The following FHOD3 variants were observed in gnomAD, a reference collection of about 807,000 sequenced individuals.
FHOD3 encodes the protein formin homology 2 domain containing 3, also known as FH1/FH2 domain-containing protein 3.
Under a neutral mutation model 173.0 loss-of-function variants are expected in FHOD3, and 90 were observed. The observed-to-expected ratio is 0.52, with a 90% CI of 0.44 to 0.62. FHOD3 has a LOEUF of 0.62. Among genes scored for constraint, FHOD3 ranks in the 20% least tolerant of loss-of-function variants. The probability of loss-of-function intolerance (pLI) is 0.00; values close to 1 mark genes in which losing one functional copy is unlikely to be tolerated. For synonymous variants in FHOD3, 828 were observed against 823.0 expected, an observed-to-expected ratio of 1.01 and a Z score of -0.10; for missense variants, 1,945 against 2,034.7, an observed-to-expected ratio of 0.96 and a Z score of 0.85.
intron 24 of FHOD3, among the ~76,000 whole-genome samples, chr18:36,748,690 G>A (rs565452987): frequency 6.6e-5 from 10 of 152,184 alleles, no homozygotes; most frequent in African/African-American, 2.4e-4. Context: ...GTTCACTGTG[G>A]TTTTGGTGTG....
intron 20 of FHOD3, among the ~76,000 whole-genome samples, chr18:36,735,813 C>G (rs1195064568): frequency 1.3e-5 from 2 of 152,180 alleles, no homozygotes; most frequent in African/African-American, 2.4e-5. Flanking sequence ...AGCCAGTGTT[C>G]TGTTTAAAAC....
intron 3 of FHOD3, among the ~76,000 whole-genome samples, chr18:36,374,180 T>C (rs1432217072): frequency 6.6e-6 from 1 of 152,224 alleles, no homozygotes; most frequent in Non-Finnish European, 1.5e-5. Flanking sequence ...ATATTTCAGG[T>C]ACAGGATTTT....
chr18:36,406,381 C>G (rs1385985791), intron 3 of FHOD3, among the ~76,000 whole-genome samples: 4 of 152,114 alleles, frequency 2.6e-5, no homozygotes, highest in Non-Finnish European at 5.9e-5. Context: ...GATTTTATAC[C>G]TTGTAAGAGT....
intron 8 of FHOD3, among the ~76,000 whole-genome samples, chr18:36,606,399 C>A (rs528700618): frequency 6.6e-6 from 1 of 152,020 alleles, no homozygotes; most frequent in South Asian, 2.1e-4. Context: ...GTGAAACTTA[C>A]GCTCTGTTGG....
intron 3 of FHOD3, among the ~76,000 whole-genome samples, chr18:36,395,538 CT>C (rs543766006): frequency 5.3e-5 from 8 of 151,966 alleles, no homozygotes; most frequent in African/African-American, 9.6e-5. Context: ...CATAATAATT[CT>C]TTTTTTTCAT....
chr18:36,732,444 CAGA>C (rs1180388643), intron 20 of FHOD3, among the ~76,000 whole-genome samples: 3 of 152,176 alleles, frequency 2.0e-5, no homozygotes, highest in Non-Finnish European at 2.9e-5. Flanking sequence ...TCTTTCCTGG[CAGA>C]AGAAGTTGTT....
chr18:36,482,166 T>G (rs1225152516), intron 3 of FHOD3, among the ~76,000 whole-genome samples: 1 of 152,190 alleles, frequency 6.6e-6, no homozygotes, highest in Non-Finnish European at 1.5e-5. Context: ...TGTCAGTCAC[T>G]GTTTAAGGTC....
intron 1 of FHOD3, among the ~76,000 whole-genome samples, chr18:36,311,635 G>A (rs1018824802): frequency 7.2e-5 from 11 of 152,110 alleles, no homozygotes; most frequent in Non-Finnish European, 1.5e-4. Context: ...TCCCTTCCCT[G>A]CAGCTGTGCT....
intron 3 of FHOD3, among the ~76,000 whole-genome samples, chr18:36,453,812 T>G (rs1391175601): frequency 6.6e-6 from 1 of 152,036 alleles, no homozygotes; most frequent in Non-Finnish European, 1.5e-5. Context: ...GCGGCAGGTG[T>G]CCTCAGGGCC....
chr18:36,633,454 CA>C (rs758955546), intron 10 of FHOD3, among the ~76,000 whole-genome samples: 1 of 152,212 alleles, frequency 6.6e-6, no homozygotes, highest in Non-Finnish European at 1.5e-5. Flanking sequence ...CCTATTCTAA[CA>C]CCAGCATTTA....
At chr18:36,463,693 A>C (rs2052731145) in intron 3 of FHOD3, among the ~76,000 whole-genome samples, 1 of 151,932 alleles carries the variant, frequency 6.6e-6, no homozygotes, top group Non-Finnish European at 1.5e-5. Context: ...ATAGGGTTTC[A>C]CCATGTTGCC....
intron 21 of FHOD3, 64 bp from the exon 22 acceptor site, chr18:36,742,673 T>G (rs758820023): frequency 3.9e-6 from 6 of 1,547,608 alleles, no homozygotes; most frequent in Non-Finnish European, 5.3e-6. Flanking sequence ...ATACAAAAAG[T>G]CAGAAGAACA....
chr18:36,481,450 CT>C (rs71168228), intron 3 of FHOD3, among the ~76,000 whole-genome samples: 77,042 of 145,938 alleles, frequency 0.53, 20,130 homozygotes, highest in Admixed American at 0.61. Flanking sequence ...AGGCAGACAA[CT>C]TTTTTTTTTT....
intron 2 of FHOD3, among the ~76,000 whole-genome samples, chr18:36,368,524 G>A (rs904537693): frequency 6.6e-6 from 1 of 152,110 alleles, no homozygotes; most frequent in African/African-American, 2.4e-5. Context: ...GAGCTCTGTC[G>A]CTTTCTAGCT....
intron 3 of FHOD3, among the ~76,000 whole-genome samples, chr18:36,460,670 C>T (rs949634302): frequency 1.3e-5 from 2 of 152,220 alleles, no homozygotes; most frequent in Admixed American, 6.5e-5. Flanking sequence ...CCACTGCTGC[C>T]ATGGGGTCAC....
chr18:36,687,373 A>G (rs1310232420), intron 16 of FHOD3, among the ~76,000 whole-genome samples, 195 bp downstream of exon 16: 1 of 152,210 alleles, frequency 6.6e-6, no homozygotes, highest in Non-Finnish European at 1.5e-5. Flanking sequence ...TGGTGCCATC[A>G]TGGTTAAGTG....
At chr18:36,642,582 C>CCAAAA (rs2035403931) in intron 10 of FHOD3, among the ~76,000 whole-genome samples, 1 of 61,818 alleles carries the variant, frequency 1.6e-5, no homozygotes. Flanking sequence ...GACTCCGTCT[C>CCAAAA]AAAAAAAAAA....
rs112795606 is a variant in FHOD3, at chr18:36,658,501, C to T, written c.1835+313C>T. On this transcript the variant is annotated intron_variant, in intron 14 of 28. Coordinates refer to ENST00000590592, the MANE Select transcript of FHOD3 (RefSeq NM_001281740.3). ...TCCTTAAAAACTGTTCTAGATTTTA[C>T]GTAAGCTCTGCAATTTGTTATATAC... is the stretch of plus-strand genomic sequence containing the variant. 1.2e-4 allele frequency among the ~76,000 whole-genome samples: 19 copies of T among 152,190 alleles called. No homozygotes were observed. In the South Asian group the frequency reaches 1.2e-3, roughly 10 times the overall value.
At chr18:36,454,292 C>T (rs2052037393) in intron 3 of FHOD3, among the ~76,000 whole-genome samples, 1 of 151,998 alleles carries the variant, frequency 6.6e-6, no homozygotes, top group Non-Finnish European at 1.5e-5. Context: ...ACACACAGTA[C>T]ACCCAGGGAC....
Sources: gnomAD v4.1 joint callset for allele counts (sites outside exome capture counted in the v4.1 genomes callset) on GRCh38, gnomAD v4.1.1 for gene constraint, MANE v1.5 for transcripts, NCBI Gene and HGNC (gene_info 2026-07-23, HGNC 2026-07-21) for gene names.